The following MROH1 variants were observed in gnomAD, a reference collection of about 807,000 sequenced individuals.
MROH1 encodes the protein maestro heat-like repeat-containing protein family member 1.
In MROH1, 117 loss-of-function variants were observed where a neutral mutation model predicts 116.5. That is an observed-to-expected ratio of 1.00 (90% CI 0.86 to 1.17). The LOEUF (loss-of-function observed/expected upper bound fraction) is 1.17. MROH1 is among the 50% of genes most tolerant of loss of function. MROH1 has a pLI of 0.00. For missense variants in MROH1, 1,873 were observed against 1,338.5 expected (o/e 1.40, Z -6.23); for synonymous variants, 921 against 583.9 (o/e 1.58, Z -8.32).
chr8:144,242,640 A>G lies in MROH1; in HGVS notation c.2352+12A>G. The G allele has an allele frequency of 2.6e-6, 2 of 779,464 alleles. No homozygotes were observed. Among genetic ancestry groups the G allele is most frequent in the Non-Finnish European group, 4.8e-6 (2 of 417,306 alleles). 48.3% of individuals were successfully genotyped at this position (779,464 alleles called of 1,614,324 possible). On this transcript the variant is annotated intron_variant, in intron 24 of 43. Transcript: ENST00000326134. ...AGGTAGAAACCAAGGTACAGTGTGT[A>G]GGAATTAAGTGCTGGACTGGCTTCT...
chr8:144,253,286 A>G (rs1172194243), intron 33 of MROH1, among the ~76,000 whole-genome samples: 1 of 152,248 alleles, frequency 6.6e-6, no homozygotes, highest in Non-Finnish European at 1.5e-5. Flanking sequence ...ATGATAGGAA[A>G]TCCTGATTCC....
chr8:144,158,470 A>G (rs1306816103), intron 1 of MROH1, among the ~76,000 whole-genome samples: 23 of 152,260 alleles, frequency 1.5e-4, no homozygotes, highest in Admixed American at 1.4e-3. Context: ...TTTTTCCTGC[A>G]CATTCTCTGT....
At chr8:144,196,396 GC>G (rs1285837900) in intron 10 of MROH1, among the ~76,000 whole-genome samples, 2 of 151,060 alleles carry the variant, frequency 1.3e-5, no homozygotes, top group African/African-American at 4.9e-5. Flanking sequence ...TCACTCTGTT[GC>G]CCAGGCTGGA....
intron 1 of MROH1, among the ~76,000 whole-genome samples, chr8:144,152,393 AT>A (rs141793518): frequency 0.87 from 126,552 of 145,570 alleles, 57,312 homozygotes; most frequent in South Asian, 0.99. Context: ...TTTAAAAAAA[AT>A]TTTTTTTTTT....
intron 11 of MROH1, 63 bp downstream of exon 11, chr8:144,199,263 T>A: frequency 6.6e-7 from 1 of 1,508,464 alleles, no homozygotes; most frequent in Admixed American, 1.9e-5. Context: ...CACTGCCTGC[T>A]GTATGTGGAG....
intron 13 of MROH1, among the ~76,000 whole-genome samples, chr8:144,222,604 A>T (rs550060510): frequency 6.6e-6 from 1 of 151,500 alleles, no homozygotes; most frequent in Non-Finnish European, 1.5e-5. Flanking sequence ...GGATGCAGGT[A>T]ATTATAGGTA....
intron 14 of MROH1, among the ~76,000 whole-genome samples, chr8:144,231,889 G>C (rs1338682018): frequency 6.6e-6 from 1 of 152,204 alleles, no homozygotes; most frequent in Non-Finnish European, 1.5e-5. Context: ...GGGCTTGCTT[G>C]CTTGTTTTTA....
intron 7 of MROH1, among the ~76,000 whole-genome samples, chr8:144,181,781 GGAGAC>G (rs1825779195): frequency 6.6e-6 from 1 of 152,112 alleles, no homozygotes; most frequent in East Asian, 1.9e-4. Context: ...GCTGCAGGGC[GGAGAC>G]AGAACGGGGC....
In MROH1 at chr8:144,191,707, C is replaced by T. The variant is rs996309951; in HGVS notation, c.715-8C>T. On this transcript the variant is annotated splice_polypyrimidine_tract_variant and splice_region_variant and intron_variant, in intron 8 of 43. Transcript: ENST00000326134. ...AGCGTAAGCTTCCCGCCCACTGTCCCCTCTCAGCTCCGTCTTGCCGTGGTG... is the reference window on the plus strand; with the variant it reads ...AGCGTAAGCTTCCCGCCCACTGTCCTCTCTCAGCTCCGTCTTGCCGTGGTG... 8.7e-6 allele frequency: 14 copies of T among 1,611,978 alleles called. No individual in the cohort carries two copies. The East Asian group carries it at 1.1e-4, about 13-fold the overall frequency.
At chr8:144,249,530 T>A (rs1410659147) in intron 32 of MROH1, among the ~76,000 whole-genome samples, 2 of 152,142 alleles carry the variant, frequency 1.3e-5, no homozygotes, top group Admixed American at 6.5e-5. Context: ...ATACCCATCA[T>A]GAGCAGGGAG....
intron 14 of MROH1, among the ~76,000 whole-genome samples, chr8:144,224,746 G>A (rs996157456): frequency 9.9e-5 from 15 of 152,174 alleles, no homozygotes; most frequent in African/African-American, 3.4e-4. Context: ...GTGGGCCTTG[G>A]GGTGTTCGCC....
intron 1 of MROH1, among the ~76,000 whole-genome samples, chr8:144,156,481 C>T (rs928546589): frequency 1.1e-4 from 16 of 151,708 alleles, no homozygotes; most frequent in Non-Finnish European, 1.8e-4. Context: ...CCGAGGCCGG[C>T]GGATTGCCTG....
At chr8:144,156,394 T>C (rs1447863204) in intron 1 of MROH1, among the ~76,000 whole-genome samples, 1 of 151,848 alleles carries the variant, frequency 6.6e-6, no homozygotes, top group Non-Finnish European at 1.5e-5. Flanking sequence ...TGATGTGAAT[T>C]ATATCAGCTG....
intron 4 of MROH1, among the ~76,000 whole-genome samples, chr8:144,171,414 T>A (rs1822414512): frequency 6.6e-6 from 1 of 152,228 alleles, no homozygotes; most frequent in Non-Finnish European, 1.5e-5. Flanking sequence ...CGGGCCCTCC[T>A]GGGAACCACC....
At chr8:144,167,606 C>T (rs1821277950) in intron 3 of MROH1, among the ~76,000 whole-genome samples, 1 of 152,080 alleles carries the variant, frequency 6.6e-6, no homozygotes, top group African/African-American at 2.4e-5. Flanking sequence ...GGTGGAGCGG[C>T]CAGTTGGCAC....
intron 3 of MROH1, among the ~76,000 whole-genome samples, 192 bp from the exon 4 acceptor site, chr8:144,168,103 G>A (rs989443290): frequency 2.6e-5 from 4 of 152,160 alleles, no homozygotes; most frequent in Non-Finnish European, 4.4e-5. Context: ...GCCTGTCACC[G>A]CAGTGCACCT....
rs1316128911 is a variant in MROH1, at chr8:144,244,501, C to G, written c.2728C>G (p.Arg910Gly). The G allele has an allele frequency of 1.3e-6, 1 of 773,802 alleles. No individual in the cohort carries two copies. The highest frequency in any genetic ancestry group is 2.4e-6 in the Non-Finnish European group (1 of 414,832). 47.9% of individuals were successfully genotyped at this position (773,802 alleles called of 1,614,324 possible). The change falls in exon 28 of 44, where the codon CGG becomes GGG. Residue 910 changes from arginine to glycine, a missense_variant. Arg to Gly is a moderately radical substitution (Grantham distance 125). Transcript: ENST00000326134. ...LEDLLTSLLQRNMTPQGLQIM... is the reference protein window; with the variant it reads ...LEDLLTSLLQGNMTPQGLQIM... Reference sequence around the variant, plus strand: ...GGATCTGCTGACGAGCCTCCTGCAGCGGAACATGACCCCCCAAGGCCTGCA... The same window carrying G: ...GGATCTGCTGACGAGCCTCCTGCAGGGGAACATGACCCCCCAAGGCCTGCA...
intron 1 of MROH1, among the ~76,000 whole-genome samples, chr8:144,155,638 C>CTTTT (rs1181004854): frequency 2.4e-5 from 3 of 125,992 alleles, no homozygotes; most frequent in Admixed American, 8.0e-5. Flanking sequence ...AGGTGTTTTT[C>CTTTT]TTTTTTTTTT....
chr8:144,171,195 G>A (rs1349136926), intron 4 of MROH1, among the ~76,000 whole-genome samples: 2 of 152,204 alleles, frequency 1.3e-5, no homozygotes, highest in Non-Finnish European at 2.9e-5. Context: ...CAAGCCCCAG[G>A]TGTGGCCTGT....
Sources: gnomAD v4.1 joint callset for allele counts (sites outside exome capture counted in the v4.1 genomes callset) on GRCh38, gnomAD v4.1.1 for gene constraint, MANE v1.5 for transcripts, NCBI Gene and HGNC (gene_info 2026-07-23, HGNC 2026-07-21) for gene names.